The following RNLS variants were observed in gnomAD, a reference collection of about 807,000 sequenced individuals.
The protein encoded by RNLS is renalase, FAD dependent amine oxidase, also known as renalase.
In RNLS, 39 loss-of-function variants were observed where a neutral mutation model predicts 39.8. That is an observed-to-expected ratio of 0.98 (90% CI 0.76 to 1.28). The LOEUF is 1.28. Among genes scored for constraint, RNLS ranks in the 50% most tolerant of loss-of-function variants. The pLI is 0.00. For synonymous variants in RNLS, 147 were observed against 150.7 expected (o/e 0.98, Z 0.18); for missense variants, 410 against 413.3 (o/e 0.99, Z 0.07).
chr10:88,225,101 C>A, the RNLS span, among the ~76,000 whole-genome samples: 2 of 152,150 alleles, frequency 1.3e-5, no homozygotes, highest in African/African-American at 4.8e-5. Flanking sequence ...ATTTTCATTT[C>A]TCTCACAGTT....
the RNLS span, among the ~76,000 whole-genome samples, chr10:88,256,509 T>A: frequency 5.9e-5 from 9 of 152,224 alleles, no homozygotes; most frequent in African/African-American, 2.2e-4. Flanking sequence ...TCCGTCTCCA[T>A]CCGCCTTCTT....
At chr10:88,256,269 C>T in the RNLS span, among the ~76,000 whole-genome samples, 1 of 152,190 alleles carries the variant, frequency 6.6e-6, no homozygotes, top group Admixed American at 6.5e-5. Context: ...ATTACCAACC[C>T]GCGTACCACC....
At chr10:88,334,970 CGT>C (rs2133185605) in intron 5 of RNLS, among the ~76,000 whole-genome samples, 1 of 152,230 alleles carries the variant, frequency 6.6e-6, no homozygotes, top group African/African-American at 2.4e-5. Flanking sequence ...AATTAATTAA[CGT>C]GAGATACCAA....
At chr10:88,368,465 T>A (rs1343850555) in intron 4 of RNLS, among the ~76,000 whole-genome samples, 1 of 152,122 alleles carries the variant, frequency 6.6e-6, no homozygotes, top group Non-Finnish European at 1.5e-5. Flanking sequence ...TAGGCAAGGA[T>A]ATAAAGAGGG....
At chr10:88,533,275 A>G (rs1351948174) in intron 4 of RNLS, among the ~76,000 whole-genome samples, 1 of 152,116 alleles carries the variant, frequency 6.6e-6, no homozygotes, top group Non-Finnish European at 1.5e-5. Flanking sequence ...TTGGTTAAAG[A>G]GCACCACCAA....
rs537814139 is a variant in RNLS at position 88,483,098 on chromosome 10, C to T, written c.526+89805G>A. On this transcript the variant is annotated intron_variant, in intron 4 of 6. Transcript: ENST00000331772. ...CTGACTGTATAGTTTAATGGGCAGCCAATGATTGGACTAAGGTTGTGCTCC... is the reference window on the plus strand; with the variant it reads ...CTGACTGTATAGTTTAATGGGCAGCTAATGATTGGACTAAGGTTGTGCTCC... Among the ~76,000 whole-genome samples, 6 of 152,154 alleles carry T rather than the reference C, an allele frequency of 3.9e-5. No individual in the cohort carries two copies. In the East Asian group the frequency reaches 1.2e-3, roughly 29 times the overall value.
intron 6 of RNLS, among the ~76,000 whole-genome samples, chr10:88,311,380 A>G (rs1845370825): frequency 6.6e-6 from 1 of 152,232 alleles, no homozygotes; most frequent in Admixed American, 6.5e-5. Flanking sequence ...TCAATGCATA[A>G]CAGACTAAGC....
Position 88,583,193 on chromosome 10 carries a change from C to A in RNLS, c.-3G>T. 2 of 1,613,738 alleles carry A rather than the reference C, an allele frequency of 1.2e-6. No individual in the cohort carries two copies. The highest frequency in any genetic ancestry group is 1.7e-6 in the Non-Finnish European group (2 of 1,179,852). The stretch of plus-strand genomic sequence containing the variant: ...CCCACGATCAGCACCTGCGCCATGG[C>A]GAGAGGGAGCAGCGATCCGCGCTGA... On this transcript the variant is annotated 5_prime_UTR_variant, in exon 1 of 7. Coordinates refer to ENST00000331772, the MANE Select transcript of RNLS (RefSeq NM_001031709.3).
At chr10:88,207,376 G>A in the RNLS span, among the ~76,000 whole-genome samples, 2 of 152,020 alleles carry the variant, frequency 1.3e-5, no homozygotes, top group Non-Finnish European at 2.9e-5. Context: ...GATTTAAATA[G>A]ACACATCACC....
downstream of RNLS, among the ~76,000 whole-genome samples, chr10:88,270,973 T>C (rs1227623947): frequency 1.3e-5 from 2 of 152,198 alleles, no homozygotes; most frequent in African/African-American, 2.4e-5. Context: ...ACACTGTTCA[T>C]GAACTGCTCT....
intron 5 of RNLS, among the ~76,000 whole-genome samples, chr10:88,350,959 G>C (rs1564718898): frequency 6.6e-6 from 1 of 152,160 alleles, no homozygotes; most frequent in Non-Finnish European, 1.5e-5. Context: ...TTGTGGTTTT[G>C]TTTTGCATTT....
intron 4 of RNLS, among the ~76,000 whole-genome samples, chr10:88,416,670 T>G (rs1854048702): frequency 6.6e-6 from 1 of 152,224 alleles, no homozygotes; most frequent in African/African-American, 2.4e-5. Flanking sequence ...ATTTTTGTAC[T>G]TGAAAAACCC....
chr10:88,207,788 G>C, the RNLS span, among the ~76,000 whole-genome samples: 2 of 152,068 alleles, frequency 1.3e-5, no homozygotes, highest in Non-Finnish European at 2.9e-5. Context: ...CTTTACCAGG[G>C]CCTCTGGACA....
At chr10:88,229,704 T>C in the RNLS span, among the ~76,000 whole-genome samples, 4 of 152,246 alleles carry the variant, frequency 2.6e-5, no homozygotes, top group Non-Finnish European at 5.9e-5. Flanking sequence ...CAACCATTAA[T>C]ACACTTTCTG....
At chr10:88,245,740 G>A in the RNLS span, among the ~76,000 whole-genome samples, 1 of 151,914 alleles carries the variant, frequency 6.6e-6, no homozygotes, top group East Asian at 1.9e-4. Context: ...TCACCACCTG[G>A]AACAGGGTGC....
chr10:88,390,655 T>A (rs1023895361), intron 4 of RNLS, among the ~76,000 whole-genome samples: 1 of 152,170 alleles, frequency 6.6e-6, no homozygotes, highest in African/African-American at 2.4e-5. Flanking sequence ...CTGGCTCTTC[T>A]AAAGCAGTGG....
intron 4 of RNLS, among the ~76,000 whole-genome samples, chr10:88,436,649 A>G (rs1841430118): frequency 6.6e-6 from 1 of 152,168 alleles, no homozygotes; most frequent in Non-Finnish European, 1.5e-5. Flanking sequence ...CAAACCTCTA[A>G]GTGCCTTTTA....
chr10:88,378,974 A>ATAAAG (rs1379304179), intron 4 of RNLS, among the ~76,000 whole-genome samples: 2 of 152,206 alleles, frequency 1.3e-5, no homozygotes, highest in Non-Finnish European at 2.9e-5. Flanking sequence ...TACTACCACT[A>ATAAAG]TAAAGTATTA....
At chr10:88,396,106 T>C (rs3891849) in intron 4 of RNLS, among the ~76,000 whole-genome samples, 18,103 of 152,046 alleles carry the variant, frequency 0.12, 1,180 homozygotes, top group Admixed American at 0.2. Flanking sequence ...TCCTTCAGGC[T>C]AAAATGAAAG....
Sources: allele counts gnomAD v4.1 joint callset (sites outside exome capture counted in the v4.1 genomes callset), GRCh38; gene constraint gnomAD v4.1.1; transcripts MANE v1.5; gene names NCBI Gene and HGNC (gene_info 2026-07-23, HGNC 2026-07-21).